FBXO11: variants seen among roughly 807,000 people sequenced by gnomAD.
FBXO11 encodes F-box protein 11.
A neutral mutation model predicts 117.0 loss-of-function variants in FBXO11; 13 were observed. The observed-to-expected ratio is 0.11, with a 90% confidence interval of 0.07 to 0.18. The LOEUF (loss-of-function observed/expected upper bound fraction) is 0.18. FBXO11 is among the 10% of genes least tolerant of loss of function. The pLI, the probability that FBXO11 is intolerant of heterozygous loss-of-function variation, is 1.00. For synonymous variants in FBXO11, 490 were observed against 380.5 expected (o/e 1.29, Z -3.35); for missense variants, 767 against 1,164.4 (o/e 0.66, Z 4.97).
intron 1 of FBXO11, among the ~76,000 whole-genome samples, chr2:47,844,480 T>C (rs1418927884): frequency 1.3e-5 from 2 of 152,112 alleles, no homozygotes; most frequent in Non-Finnish European, 2.9e-5. Context: ...CCAGACCCCT[T>C]AGAACATATG....
intron 1 of FBXO11, among the ~76,000 whole-genome samples, chr2:47,897,701 CAAAAAAAAA>C (rs60982405): frequency 4.8e-5 from 5 of 103,118 alleles, no homozygotes; most frequent in South Asian, 3.0e-4. Context: ...TGTCTTAAAC[CAAAAAAAAA>C]AAAAAAAAAA....
intron 1 of FBXO11, among the ~76,000 whole-genome samples, chr2:47,877,947 T>G (rs1012134975): frequency 6.6e-6 from 1 of 152,066 alleles, no homozygotes; most frequent in African/African-American, 2.4e-5. Flanking sequence ...CCTCCCAAAG[T>G]GCTGGGATTA....
intron 11 of FBXO11, among the ~76,000 whole-genome samples, chr2:47,830,691 G>GC (rs1317364469): frequency 6.6e-6 from 1 of 152,118 alleles, no homozygotes; most frequent in African/African-American, 2.4e-5. Flanking sequence ...ATATTTACAA[G>GC]CCCAAATCTA....
At chr2:47,818,495 C>T (rs890230135) in intron 16 of FBXO11, 8 of 296,480 alleles carry the variant, frequency 2.7e-5, no homozygotes, top group Non-Finnish European at 5.0e-5. Context: ...CAGACTTCCA[C>T]TCTCCAAGTA....
At chr2:47,897,578 T>C (rs553844930) in intron 1 of FBXO11, among the ~76,000 whole-genome samples, 57 of 151,670 alleles carry the variant, frequency 3.8e-4, no homozygotes, top group African/African-American at 1.3e-3. Context: ...GCACCTATAA[T>C]CCCAGCTACT....
intron 1 of FBXO11, among the ~76,000 whole-genome samples, chr2:47,888,343 G>A (rs1677022537): frequency 6.6e-6 from 1 of 152,158 alleles, no homozygotes; most frequent in African/African-American, 2.4e-5. Flanking sequence ...CAAGAATTGG[G>A]ACAGTGGTTC....
At chr2:47,880,600 G>C (rs1273772099) in intron 1 of FBXO11, among the ~76,000 whole-genome samples, 1 of 152,162 alleles carries the variant, frequency 6.6e-6, no homozygotes, top group Non-Finnish European at 1.5e-5. Context: ...TGCTATGAAT[G>C]TATTTCCATT....
At chr2:47,875,392 T>G (rs563762860) in intron 1 of FBXO11, among the ~76,000 whole-genome samples, 1 of 152,268 alleles carries the variant, frequency 6.6e-6, no homozygotes, top group Non-Finnish European at 1.5e-5. Flanking sequence ...TTATACGTTT[T>G]TGAAGTAGGA....
At chr2:47,896,695 A>G (rs903369132) in intron 1 of FBXO11, among the ~76,000 whole-genome samples, 1 of 152,214 alleles carries the variant, frequency 6.6e-6, no homozygotes, top group Non-Finnish European at 1.5e-5. Flanking sequence ...ACAAGTTATC[A>G]TAATCAGTCT....
chr2:47,883,776 G>T, intron 1 of FBXO11: 1 of 236,976 alleles, frequency 4.2e-6, no homozygotes, highest in South Asian at 6.5e-5. Context: ...AGGTGTATGA[G>T]AATGGTAAAA....
intron 1 of FBXO11, among the ~76,000 whole-genome samples, chr2:47,858,922 C>A (rs1674531417): frequency 6.6e-6 from 1 of 150,732 alleles, no homozygotes; most frequent in Admixed American, 6.6e-5. Flanking sequence ...GCCTGTAATC[C>A]CAGCTACTCA....
At chr2:47,815,565 G>A (rs1236729836) in intron 16 of FBXO11, among the ~76,000 whole-genome samples, 1 of 152,178 alleles carries the variant, frequency 6.6e-6, no homozygotes, top group African/African-American at 2.4e-5. Flanking sequence ...ATACTTCGGG[G>A]TTTAATGAGC....
At chr2:47,858,298 C>A (rs968307200) in intron 1 of FBXO11, among the ~76,000 whole-genome samples, 6 of 151,982 alleles carry the variant, frequency 3.9e-5, no homozygotes, top group Non-Finnish European at 2.9e-5. Context: ...GCGTGAGCCA[C>A]CGTGCCCAGC....
At position 47,807,071 on chromosome 2, in the gene FBXO11, C is replaced by A; in HGVS notation, c.*1047G>T. Reference sequence around the variant, plus strand: ...GTCTAGATGTTATGGTACATGCATACACTTTCAGGCTGTTTTATACCCACT... The same window carrying A: ...GTCTAGATGTTATGGTACATGCATAAACTTTCAGGCTGTTTTATACCCACT... On this transcript the variant is annotated 3_prime_UTR_variant, in exon 23 of 23. Transcript: ENST00000403359. 1 of 557,670 alleles carries A rather than the reference C, an allele frequency of 1.8e-6. No homozygotes were observed. Among genetic ancestry groups the A allele is most frequent in the Non-Finnish European group, 3.2e-6 (1 of 317,038 alleles). The allele number at this position is 557,670 out of a possible 1,614,324, so 34.5% of individuals were successfully genotyped here. A position where few individuals can be genotyped will look rare whatever the true frequency, so the allele number is the denominator to read the frequency against.
intron 1 of FBXO11, among the ~76,000 whole-genome samples, chr2:47,885,804 A>G (rs1404281244): frequency 6.6e-6 from 1 of 152,156 alleles, no homozygotes; most frequent in Non-Finnish European, 1.5e-5. Flanking sequence ...CTGTCCTGAT[A>G]AATCTTCTAT....
rs1308198485 is a variant in FBXO11, at chr2:47,832,584, T to C, written c.1248A>G (p.Thr416=). 5 of 1,611,478 alleles carry C rather than the reference T, an allele frequency of 3.1e-6. No homozygotes were observed. The highest frequency in any genetic ancestry group is 1.1e-5 in the South Asian group (1 of 90,444). Residue 416 remains threonine, a synonymous_variant, in exon 10 of 23, where the codon ACA becomes ACG. Coordinates refer to ENST00000403359, the MANE Select transcript of FBXO11 (RefSeq NM_001190274.2). The stretch of plus-strand genomic sequence containing the variant: ...AATTAAAAAATACCTGTGCATGATC[T>C]GTTATATATAGTCCAACATTTTCAC... ...SDCENVGLYI[T]DHAQGIYEDN...
chr2:47,814,651 T>A (rs145748424), intron 16 of FBXO11, among the ~76,000 whole-genome samples: 28 of 152,252 alleles, frequency 1.8e-4, no homozygotes, highest in African/African-American at 6.5e-4. Flanking sequence ...AGTGCTGGGA[T>A]TACAGGCATG....
At chr2:47,890,559 C>G (rs992276719) in intron 1 of FBXO11, among the ~76,000 whole-genome samples, 1 of 152,070 alleles carries the variant, frequency 6.6e-6, no homozygotes, top group Non-Finnish European at 1.5e-5. Context: ...AATCCCAGCA[C>G]TCAGGAGGCC....
chr2:47,905,728 G>C lies in FBXO11; in HGVS notation c.-8C>G. On this transcript the variant is annotated 5_prime_UTR_variant, in exon 1 of 23. Coordinates refer to ENST00000403359, the MANE Select transcript of FBXO11 (RefSeq NM_001190274.2). The stretch of plus-strand genomic sequence containing the variant: ...GGCTCGGACGGAGTTCATTTGCCGG[G>C]CTGAGGTGGCGGCGTTGGCGGAGGG... 6.6e-7 allele frequency: 1 copy of C among 1,526,520 alleles called. No individual in the cohort carries two copies. Among genetic ancestry groups the C allele is most frequent in the Admixed American group, 2.0e-5 (1 of 50,610 alleles). 94.6% of individuals were successfully genotyped at this position (1,526,520 alleles called of 1,614,324 possible). A position where few individuals can be genotyped will look rare whatever the true frequency, so the allele number is the denominator to read the frequency against.
Sources: allele counts gnomAD v4.1 joint callset (sites outside exome capture counted in the v4.1 genomes callset), GRCh38; gene constraint gnomAD v4.1.1; transcripts MANE v1.5; gene names NCBI Gene and HGNC (gene_info 2026-07-23, HGNC 2026-07-21).